The following FAM107A variants were observed in gnomAD, a reference collection of about 807,000 sequenced individuals.
The protein encoded by FAM107A is actin-associated protein FAM107A.
Under a neutral mutation model 13.7 loss-of-function variants are expected in FAM107A, and 19 were observed. The ratio of observed to expected loss-of-function variants is 1.38; its 90% confidence interval spans 0.97 to 2.03. The LOEUF (loss-of-function observed/expected upper bound fraction) is 2.03, where lower values mean the gene tolerates loss of function less well. FAM107A is among the 30% of genes most tolerant of loss of function. FAM107A has a pLI of 0.00. For missense variants in FAM107A, 203 were observed against 184.4 expected, an observed-to-expected ratio of 1.10 and a Z score of -0.58; for synonymous variants, 82 against 74.5, an observed-to-expected ratio of 1.10 and a Z score of -0.52.
At chr3:58,585,675 C>G (rs1028214721) in intron 1 of FAM107A, among the ~76,000 whole-genome samples, 5 of 152,206 alleles carry the variant, frequency 3.3e-5, no homozygotes, top group African/African-American at 9.6e-5. Context: ...GAGCCCAAGT[C>G]CCTTGACGCT....
intron 1 of FAM107A, chr3:58,586,855 T>TA: frequency 6.5e-7 from 1 of 1,528,610 alleles, no homozygotes; most frequent in South Asian, 1.2e-5. Flanking sequence ...TGCTCCCACT[T>TA]ACCCGACCGG....
At chr3:58,598,971 T>C (rs556359120) in intron 1 of FAM107A, among the ~76,000 whole-genome samples, 1 of 152,268 alleles carries the variant, frequency 6.6e-6, no homozygotes, top group African/African-American at 2.4e-5. Flanking sequence ...GACGGAGTTT[T>C]GCTCTTGTCG....
chr3:58,581,071 C>T (rs2065533966), upstream of FAM107A, among the ~76,000 whole-genome samples: 1 of 152,240 alleles, frequency 6.6e-6, no homozygotes, highest in East Asian at 1.9e-4. Context: ...TGTCTCCTGC[C>T]TCCTTCTGTG....
intron 1 of FAM107A, among the ~76,000 whole-genome samples, chr3:58,597,967 A>G (rs1188831064): frequency 1.3e-5 from 2 of 152,208 alleles, no homozygotes; most frequent in Non-Finnish European, 2.9e-5. Context: ...AGGCTCAGTG[A>G]GGTTAAGGAA....
upstream of FAM107A, chr3:58,589,196 T>A (rs139870079): frequency 5.3e-4 from 814 of 1,522,922 alleles, 6 homozygotes; most frequent in African/African-American, 9.9e-3. Context: ...TTCTAGCGGG[T>A]CTGACTTACC....
intron 1 of FAM107A, among the ~76,000 whole-genome samples, chr3:58,618,626 T>C (rs911102735): frequency 2.0e-5 from 3 of 152,360 alleles, no homozygotes; most frequent in African/African-American, 7.2e-5. Flanking sequence ...TAAAAAGAAT[T>C]AAAATAATTT....
Position 58,604,315 on chromosome 3 carries a change from A to G in FAM107A, c.-69-15046T>C, listed in dbSNP as rs1271223488. 6.6e-6 allele frequency among the ~76,000 whole-genome samples: 1 copy of G among 152,068 alleles called. No homozygotes were observed. Among genetic ancestry groups the G allele is most frequent in the African/African-American group, 2.4e-5 (1 of 41,400 alleles). On this transcript the variant is annotated intron_variant, in intron 1 of 3. Coordinates refer to the FAM107A transcript ENST00000465970. This position sits in a 1 kb window ranked among gnomAD's most constrained non-coding sequence, Gnocchi z 4.1. The stretch of plus-strand genomic sequence containing the variant: ...GTGCTCCCTCCAGAGCATTAAACGC[A>G]GATCCAATTCCTTCTCCAACCGGTT...
intron 1 of FAM107A, among the ~76,000 whole-genome samples, chr3:58,605,892 T>G (rs541552251): frequency 1.3e-5 from 2 of 152,328 alleles, no homozygotes; most frequent in Non-Finnish European, 1.5e-5. Context: ...GCTTTCTCTT[T>G]GTGTGGCCCC....
rs1225666112 is a variant in FAM107A, at chr3:58,565,875, T to C, written c.*713A>G. The C allele has an allele frequency of 2.0e-5, 3 of 152,188 alleles. No individual in the cohort carries two copies. The highest frequency in any genetic ancestry group is 4.4e-5 in the Non-Finnish European group (3 of 68,044). 9.4% of individuals were successfully genotyped at this position (152,188 alleles called of 1,614,324 possible). A position where few individuals can be genotyped will look rare whatever the true frequency, so the allele number is the denominator to read the frequency against. On this transcript the variant is annotated 3_prime_UTR_variant, in exon 4 of 4. Transcript: ENST00000360997. The stretch of plus-strand genomic sequence containing the variant: ...TTAACAAGATCCCCAGTGATTTTTA[T>C]GCACAATCAAGTTTGTGAGGCACCG...
At chr3:58,587,044 C>A in exon 1 of FAM107A, 1 of 1,370,422 alleles carries the variant, frequency 7.3e-7, no homozygotes, top group Non-Finnish European at 9.4e-7. Context: ...GGCCCCAAGT[C>A]CCAAACCCCG....
chr3:58,567,613 T>G (rs2063636018), intron 2 of FAM107A, among the ~76,000 whole-genome samples: 1 of 152,236 alleles, frequency 6.6e-6, no homozygotes, highest in Non-Finnish European at 1.5e-5. Context: ...CCTGTTTGAC[T>G]GCAGAGACCA....
At position 58,610,860 on chromosome 3, in the gene FAM107A, G is replaced by A. The variant is rs2065847435; in HGVS notation, c.-70+16556C>T. ...GATAATGCTGCCTCTGGTCTGGGCT[G>A]CTGCAGACATAAGCCCTGATGTGAT... On this transcript the variant is annotated intron_variant, in intron 1 of 3. Coordinates refer to the FAM107A transcript ENST00000465970. Among the ~76,000 whole-genome samples the A allele has an allele frequency of 3.3e-5, 5 of 152,196 alleles. No individual in the cohort carries two copies. In the South Asian group the frequency reaches 1.0e-3, roughly 32 times the overall value.
chr3:58,591,379 G>T (rs137965278), upstream of FAM107A, among the ~76,000 whole-genome samples: 105 of 152,276 alleles, frequency 6.9e-4, no homozygotes, highest in East Asian at 0.019. The surrounding 1 kb of genome is among the most constrained non-coding windows in gnomAD (Gnocchi z 4.3). Flanking sequence ...TTAATGCAAA[G>T]GTTCCGAGCT....
chr3:58,596,569 C>T (rs1039312051), intron 1 of FAM107A, among the ~76,000 whole-genome samples: 1 of 151,712 alleles, frequency 6.6e-6, no homozygotes, highest in Non-Finnish European at 1.5e-5. Flanking sequence ...ATCCCAGCTA[C>T]TAGAGAGGCT....
At chr3:58,573,828 GAC>G (rs2063707834) in intron 1 of FAM107A, among the ~76,000 whole-genome samples, 1 of 152,182 alleles carries the variant, frequency 6.6e-6, no homozygotes, top group Non-Finnish European at 1.5e-5. Flanking sequence ...ACAGCCCTGG[GAC>G]ACACCACGCC....
intron 1 of FAM107A, among the ~76,000 whole-genome samples, chr3:58,597,121 C>G (rs974911391): frequency 6.6e-6 from 1 of 152,164 alleles, no homozygotes; most frequent in African/African-American, 2.4e-5. Context: ...TGGATGGTTT[C>G]CAGTTTTTGG....
chr3:58,600,736 G>A (rs369101843), intron 1 of FAM107A, among the ~76,000 whole-genome samples: 2 of 152,226 alleles, frequency 1.3e-5, no homozygotes, highest in South Asian at 4.1e-4. Context: ...AATTAATTAA[G>A]TGGACTGCTT....
chr3:58,567,206 A>G lies in FAM107A; in HGVS notation c.327+2T>C. 1 of 1,614,166 alleles carries G rather than the reference A, an allele frequency of 6.2e-7. No homozygotes were observed. Among genetic ancestry groups the G allele is most frequent in the South Asian group, 1.1e-5 (1 of 91,076 alleles). On this transcript the variant is annotated splice_donor_variant, in intron 3 of 3. Coordinates refer to ENST00000360997, the MANE Select transcript of FAM107A (RefSeq NM_001076778.3). LOFTEE classifies it high-confidence loss of function. The stretch of plus-strand genomic sequence containing the variant: ...GGTCCCTGCTGGGTGCCCATCACCC[A>G]CCTGGTTCAGCCTCTGCTGCCGTCT...
intron 1 of FAM107A, among the ~76,000 whole-genome samples, chr3:58,583,661 GTTTTTCTTTTTC>G (rs1314253474): frequency 6.6e-6 from 1 of 151,846 alleles, no homozygotes; most frequent in Non-Finnish European, 1.5e-5. Context: ...TGGGATAAAC[GTTTTTCTTTTTC>G]TTTTTCTTTT....
Sources: allele counts gnomAD v4.1 joint callset (sites outside exome capture counted in the v4.1 genomes callset), GRCh38; gene constraint gnomAD v4.1.1; non-coding constraint Gnocchi (gnomAD v3.1); transcripts MANE v1.5; gene names NCBI Gene and HGNC (gene_info 2026-07-23, HGNC 2026-07-21).